DCAF5: variants seen among roughly 807,000 people sequenced by gnomAD.
DCAF5 encodes the protein DDB1- and CUL4-associated factor 5.
A neutral mutation model predicts 80.7 loss-of-function variants in DCAF5; 9 were observed. The ratio of observed to expected loss-of-function variants is 0.11; its 90% CI spans 0.07 to 0.19. DCAF5 has a LOEUF of 0.19. DCAF5 is among the 10% of genes least tolerant of loss of function. The pLI is 1.00. For synonymous variants in DCAF5, 433 were observed against 461.9 expected, an observed-to-expected ratio of 0.94 and a Z score of 0.80; for missense variants, 842 against 1,205.7, an observed-to-expected ratio of 0.70 and a Z score of 4.47.
intron 5 of DCAF5, among the ~76,000 whole-genome samples, chr14:69,113,015 G>C (rs777622871): frequency 6.6e-6 from 1 of 151,844 alleles, no homozygotes; most frequent in Non-Finnish European, 1.5e-5. Flanking sequence ...GTCTTCTTTA[G>C]AGCTGACATT....
rs759364365 is a variant in DCAF5 at position 69,054,216 on chromosome 14, T to C, written c.2470A>G (p.Ser824Gly). The C allele has an allele frequency of 6.2e-7, 1 of 1,614,100 alleles. No homozygotes were observed. The highest frequency in any genetic ancestry group is 1.3e-5 in the African/African-American group (1 of 74,920). ...TGGTTGGCACAGATGGTTTCGAGGC[T>C]CCTCTCCTCACTGTCATCAGACTGG... ...RTQSDDSEERSLETICANHNN... is the reference protein window; with the variant it reads ...RTQSDDSEERGLETICANHNN... Residue 824 changes from serine (S) to glycine (G), a missense_variant, in exon 9 of 9, where the codon AGC becomes GGC. Ser to Gly is a moderately conservative substitution (Grantham distance 56). Coordinates refer to ENST00000341516, the MANE Select transcript of DCAF5 (RefSeq NM_003861.3).
At chr14:69,138,250 G>A (rs1419109479) in intron 1 of DCAF5, among the ~76,000 whole-genome samples, 1 of 152,196 alleles carries the variant, frequency 6.6e-6, no homozygotes, top group Non-Finnish European at 1.5e-5. Context: ...TCAGCATGGG[G>A]GAAGTTGTGT....
chr14:69,141,766 G>A lies in DCAF5; in HGVS notation c.214+10999C>T, dbSNP rs529932191. On this transcript the variant is annotated intron_variant, in intron 1 of 8. Transcript: ENST00000341516. ...TCAACTGGCAGAAGCCCCAGCAGAG[G>A]CAGAAGGGAATACAGGAATCAGTCC... Among the ~76,000 whole-genome samples the A allele has an allele frequency of 2.6e-5, 4 of 152,266 alleles. No individual in the cohort carries two copies. The East Asian group carries it at 7.7e-4, about 29-fold the overall frequency.
chr14:69,089,529 A>T (rs1462862228), intron 6 of DCAF5: 1 of 152,198 alleles, frequency 6.6e-6, no homozygotes, highest in African/African-American at 2.4e-5. Flanking sequence ...ACAAATAATA[A>T]ATTAGTCAAA....
intron 5 of DCAF5, among the ~76,000 whole-genome samples, chr14:69,097,533 T>A (rs956564580): frequency 6.6e-6 from 1 of 151,842 alleles, no homozygotes; most frequent in Non-Finnish European, 1.5e-5. Flanking sequence ...AAGAAATACT[T>A]GTGACCATCT....
At chr14:69,066,527 T>G (rs925836339) in intron 7 of DCAF5, among the ~76,000 whole-genome samples, 1 of 152,072 alleles carries the variant, frequency 6.6e-6, no homozygotes, top group Non-Finnish European at 1.5e-5. Context: ...GGTAGGGGGG[T>G]AGGGAAGACT....
At chr14:69,074,643 A>G (rs2038830904) in intron 7 of DCAF5, among the ~76,000 whole-genome samples, 1 of 152,212 alleles carries the variant, frequency 6.6e-6, no homozygotes, top group African/African-American at 2.4e-5. Flanking sequence ...CAGGGAGGAC[A>G]AAGGAAAGAA....
intron 2 of DCAF5, among the ~76,000 whole-genome samples, chr14:69,120,465 T>A (rs1220813681): frequency 6.6e-6 from 1 of 152,172 alleles, no homozygotes; most frequent in Admixed American, 6.5e-5. Flanking sequence ...AAAGTTTTAA[T>A]CTTGTATTTC....
intron 1 of DCAF5, among the ~76,000 whole-genome samples, chr14:69,137,452 A>G (rs1451181001): frequency 6.6e-6 from 1 of 152,068 alleles, no homozygotes; most frequent in Non-Finnish European, 1.5e-5. Flanking sequence ...TCTTTTTTTT[A>G]GTTTTGTACA....
At chr14:69,069,245 G>T (rs893963868) in intron 7 of DCAF5, among the ~76,000 whole-genome samples, 1 of 152,134 alleles carries the variant, frequency 6.6e-6, no homozygotes, top group Non-Finnish European at 1.5e-5. Flanking sequence ...CTGCCAGTGG[G>T]GGTGGTTACA....
intron 5 of DCAF5, among the ~76,000 whole-genome samples, chr14:69,112,000 T>C (rs1307633097): frequency 6.6e-6 from 1 of 152,158 alleles, no homozygotes; most frequent in Non-Finnish European, 1.5e-5. Flanking sequence ...ACTAACATCA[T>C]AAAGGTTTTG....
In DCAF5 at chr14:69,087,430, G is replaced by A. The variant is rs563170352; in HGVS notation, c.879+4244C>T. Among the ~76,000 whole-genome samples, 6 of 152,248 alleles carry A rather than the reference G, an allele frequency of 3.9e-5. No homozygotes were observed. In the East Asian group the frequency reaches 7.7e-4, roughly 20 times the overall value. ...GAATGCTGTTTTACTGCCAGAGTCC[G>A]CACTATATTGCAAGACTAGAAGGTA... On this transcript the variant is annotated intron_variant, in intron 6 of 8. Transcript: ENST00000341516.
intron 6 of DCAF5, chr14:69,084,275 A>G (rs1273837950): frequency 5.1e-6 from 5 of 972,886 alleles, no homozygotes; most frequent in Non-Finnish European, 8.3e-6. Flanking sequence ...GAAACTTGCT[A>G]ATGGGATCAA....
At chr14:69,064,914 G>A (rs1341557890) in intron 7 of DCAF5, among the ~76,000 whole-genome samples, 1 of 152,104 alleles carries the variant, frequency 6.6e-6, no homozygotes, top group African/African-American at 2.4e-5. Context: ...GAAGACAGCT[G>A]GAAGGTCTCA....
At chr14:69,127,995 G>C (rs2140085261) in intron 1 of DCAF5, among the ~76,000 whole-genome samples, 1 of 151,938 alleles carries the variant, frequency 6.6e-6, no homozygotes, top group East Asian at 1.9e-4. Context: ...ATGGCATTAT[G>C]GTTATGTTAA....
intron 2 of DCAF5, among the ~76,000 whole-genome samples, chr14:69,121,249 T>G (rs976051552): frequency 3.3e-5 from 5 of 152,190 alleles, no homozygotes; most frequent in African/African-American, 1.2e-4. Flanking sequence ...AACTTGTGTA[T>G]GCAATGAATT....
chr14:69,122,976 T>C (rs913158700), intron 1 of DCAF5, among the ~76,000 whole-genome samples: 2 of 152,216 alleles, frequency 1.3e-5, no homozygotes, highest in Non-Finnish European at 2.9e-5. Flanking sequence ...TTTTTACTTT[T>C]ACTTTTTTTG....
intron 1 of DCAF5, among the ~76,000 whole-genome samples, chr14:69,136,498 A>T (rs2041200202): frequency 2.6e-5 from 4 of 152,198 alleles, no homozygotes; most frequent in Admixed American, 2.6e-4. Context: ...AGATACACAC[A>T]GATTTGAGAA....
In DCAF5 at chr14:69,054,218, C is replaced by T; in HGVS notation, c.2468G>A (p.Arg823Lys). The T allele has an allele frequency of 6.2e-7, 1 of 1,614,242 alleles. No homozygotes were observed. The highest frequency in any genetic ancestry group is 8.5e-7 in the Non-Finnish European group (1 of 1,180,042). Residue 823 changes from arginine to lysine, a missense_variant, in exon 9 of 9, where the codon AGG (arginine) becomes AAG (lysine). By Grantham distance (26) the Arg-to-Lys change is conservative (BLOSUM62 2). Transcript: ENST00000341516. The stretch of plus-strand genomic sequence containing the variant: ...GTTGGCACAGATGGTTTCGAGGCTC[C>T]TCTCCTCACTGTCATCAGACTGGGT... ...PRTQSDDSEE[R>K]SLETICANHN...
Sources: gnomAD v4.1 joint callset for allele counts (sites outside exome capture counted in the v4.1 genomes callset) on GRCh38, gnomAD v4.1.1 for gene constraint, MANE v1.5 for transcripts, NCBI Gene and HGNC (gene_info 2026-07-23, HGNC 2026-07-21) for gene names.